ADAMTS2: variants seen among roughly 807,000 people sequenced by gnomAD.
ADAMTS2 encodes ADAM metallopeptidase with thrombospondin type 1 motif 2, also known as A disintegrin and metalloproteinase with thrombospondin motifs 2.
Under a neutral mutation model 123.0 loss-of-function variants are expected in ADAMTS2, and 50 were observed. The ratio of observed to expected loss-of-function variants is 0.41; its 90% CI spans 0.32 to 0.51. ADAMTS2 has a LOEUF of 0.51. Ranked by LOEUF, ADAMTS2 falls within the 20% of genes least tolerant of loss-of-function variation. ADAMTS2 has a pLI of 0.35. For synonymous variants in ADAMTS2, 678 were observed against 695.4 expected, an observed-to-expected ratio of 0.98 and a Z score of 0.39; for missense variants, 1,494 against 1,705.2, an observed-to-expected ratio of 0.88 and a Z score of 2.18.
At chr5:179,171,693 G>T (rs1344345807) in intron 5 of ADAMTS2, among the ~76,000 whole-genome samples, 1 of 152,232 alleles carries the variant, frequency 6.6e-6, no homozygotes, top group Admixed American at 6.5e-5. Context: ...AGGAAGGCGG[G>T]GTAGGGCCAG....
chr5:179,283,942 G>GATTATTATTATTATT (rs202045609), intron 2 of ADAMTS2, among the ~76,000 whole-genome samples: 26 of 138,314 alleles, frequency 1.9e-4, no homozygotes, highest in East Asian at 9.0e-4. Context: ...TAAATGGTCA[G>GATTATTATTATTATT]ATGATTATTA....
At chr5:179,221,723 C>T (rs991448614) in intron 3 of ADAMTS2, among the ~76,000 whole-genome samples, 6 of 152,120 alleles carry the variant, frequency 3.9e-5, no homozygotes, top group Non-Finnish European at 8.8e-5. Context: ...AGAAGAGCCC[C>T]CCGCAGAGGT....
chr5:179,170,256 G>A lies in ADAMTS2; in HGVS notation c.975+10816C>T, dbSNP rs1373796526. Among the ~76,000 whole-genome samples the A allele has an allele frequency of 1.3e-5, 2 of 152,186 alleles. No individual in the cohort carries two copies. Among genetic ancestry groups the A allele is most frequent in the Non-Finnish European group, 2.9e-5 (2 of 68,040 alleles). ...CACTGGAGCCTGGTGAGGCCTGGGG[G>A]ACAGGCAATGGGGGAGCGGCAGGTG... On this transcript the variant is annotated intron_variant, in intron 5 of 21. Transcript: ENST00000251582. The surrounding 1 kb of genome is among the most constrained non-coding windows in gnomAD (Gnocchi z 4.3).
intron 9 of ADAMTS2, among the ~76,000 whole-genome samples, chr5:179,152,874 C>CCA (rs1488149767): frequency 6.6e-6 from 1 of 152,172 alleles, no homozygotes; most frequent in Non-Finnish European, 1.5e-5. Flanking sequence ...ACCACTTGCT[C>CCA]GCTTTGTGGG....
In ADAMTS2 at chr5:179,260,818, C is replaced by T. The variant is rs1246894354; in HGVS notation, c.688+12093G>A. On this transcript the variant is annotated intron_variant, in intron 3 of 21. Coordinates refer to ENST00000251582, the MANE Select transcript of ADAMTS2 (RefSeq NM_014244.5). This position sits in a 1 kb window ranked among gnomAD's most constrained non-coding sequence, Gnocchi z 4.2. Reference sequence around the variant, plus strand: ...CGGTCAACGGTAAGTGCTCCAGGAACGCGTCACGTTCTTCTTGCTCCCTGC... The same window carrying T: ...CGGTCAACGGTAAGTGCTCCAGGAATGCGTCACGTTCTTCTTGCTCCCTGC... Among the ~76,000 whole-genome samples, 11 of 152,202 alleles carry T rather than the reference C, an allele frequency of 7.2e-5. No homozygotes were observed. Among genetic ancestry groups the T allele is most frequent in the African/African-American group, 2.4e-4 (10 of 41,448 alleles).
At chr5:179,281,177 T>C (rs1561681761) in intron 2 of ADAMTS2, among the ~76,000 whole-genome samples, 1 of 152,258 alleles carries the variant, frequency 6.6e-6, no homozygotes, top group Non-Finnish European at 1.5e-5. Flanking sequence ...CTTTTTAATA[T>C]ATAACAGCTT....
At chr5:179,329,289 T>C (rs1387928004) in intron 2 of ADAMTS2, among the ~76,000 whole-genome samples, 1 of 145,350 alleles carries the variant, frequency 6.9e-6, no homozygotes, top group Admixed American at 7.1e-5. Context: ...ATAGTGCCAC[T>C]GCGCTCCAGC....
chr5:179,276,949 G>A (rs914489429), intron 2 of ADAMTS2, among the ~76,000 whole-genome samples: 4 of 152,256 alleles, frequency 2.6e-5, no homozygotes, highest in South Asian at 4.1e-4. Flanking sequence ...GGAGTAACCC[G>A]GGGGACAGTT....
chr5:179,283,942 G>GATT (rs202045609), intron 2 of ADAMTS2, among the ~76,000 whole-genome samples: 26,177 of 137,658 alleles, frequency 0.19, 2,738 homozygotes, highest in East Asian at 0.28. Context: ...TAAATGGTCA[G>GATT]ATGATTATTA....
chr5:179,211,237 T>A (rs1764843446), intron 3 of ADAMTS2, among the ~76,000 whole-genome samples: 2 of 152,224 alleles, frequency 1.3e-5, no homozygotes, highest in Non-Finnish European at 2.9e-5. Flanking sequence ...CTCTGCTGTA[T>A]CCCTCGGCAC....
chr5:179,151,172 C>T (rs759701899), intron 10 of ADAMTS2: 13 of 343,244 alleles, frequency 3.8e-5, no homozygotes, highest in Admixed American at 1.6e-4. Context: ...GCTGGGATAA[C>T]AGGCATGAGC....
intron 4 of ADAMTS2, among the ~76,000 whole-genome samples, chr5:179,184,819 G>C (rs1014494459): frequency 6.6e-6 from 1 of 152,150 alleles, no homozygotes; most frequent in African/African-American, 2.4e-5. Context: ...GAGTAGATCA[G>C]AGCCAGCCCT....
rs143791135 is a variant in ADAMTS2 at position 179,189,173 on chromosome 5, A to G, written c.892-8018T>C. ...CAGGGTTGTTTCAGGTTGAAGCAAC[A>G]ATGAAAATTATCACGTGCGTCCATG... On this transcript the variant is annotated intron_variant, in intron 4 of 21. Coordinates refer to ENST00000251582, the MANE Select transcript of ADAMTS2 (RefSeq NM_014244.5). This position sits in a 1 kb window ranked among gnomAD's most constrained non-coding sequence, Gnocchi z 4.2. 4.3e-3 allele frequency among the ~76,000 whole-genome samples: 648 copies of G among 152,324 alleles called. 6 individuals carry two copies. The highest frequency in any genetic ancestry group is 0.014 in the African/African-American group (600 of 41,570).
At chr5:179,198,179 T>G (rs993308523) in intron 4 of ADAMTS2, among the ~76,000 whole-genome samples, 2 of 152,094 alleles carry the variant, frequency 1.3e-5, no homozygotes, top group African/African-American at 4.8e-5. Flanking sequence ...GAGCCCCTTA[T>G]CCTCCCGGCT....
At chr5:179,186,775 C>T (rs1764181638) in intron 4 of ADAMTS2, among the ~76,000 whole-genome samples, 1 of 151,882 alleles carries the variant, frequency 6.6e-6, no homozygotes, top group Non-Finnish European at 1.5e-5. Flanking sequence ...CGGCCCCACC[C>T]ACTTTCTCTG....
rs1452404578 is a variant in ADAMTS2 at position 179,303,224 on chromosome 5, T to C, written c.535-30160A>G. Among the ~76,000 whole-genome samples the C allele has an allele frequency of 1.3e-5, 2 of 152,162 alleles. No homozygotes were observed. The highest frequency in any genetic ancestry group is 2.9e-5 in the Non-Finnish European group (2 of 68,010). ...TTCCTGTTCAGCAGGGATCTGCCTATGGCTGTATTTCTGCTGGTAGAAGTC... is the reference window on the plus strand; with the variant it reads ...TTCCTGTTCAGCAGGGATCTGCCTACGGCTGTATTTCTGCTGGTAGAAGTC... On this transcript the variant is annotated intron_variant, in intron 2 of 21. Coordinates refer to ENST00000251582, the MANE Select transcript of ADAMTS2 (RefSeq NM_014244.5). This position sits in a 1 kb window ranked among gnomAD's most constrained non-coding sequence, Gnocchi z 4.7.
intron 4 of ADAMTS2, among the ~76,000 whole-genome samples, chr5:179,182,571 G>A (rs537264419): frequency 3.9e-4 from 59 of 152,290 alleles, no homozygotes; most frequent in Middle Eastern, 6.8e-3. Context: ...CCCGAGGCCC[G>A]CTGGCATCGG....
At chr5:179,213,725 G>A (rs1268783965) in intron 3 of ADAMTS2, among the ~76,000 whole-genome samples, 1 of 152,146 alleles carries the variant, frequency 6.6e-6, no homozygotes, top group African/African-American at 2.4e-5. Context: ...ACCAGGAGGA[G>A]TTAAAACAAG....
rs1032940025 is a variant in ADAMTS2 at position 179,225,823 on chromosome 5, G to A, written c.689-18108C>T. Among the ~76,000 whole-genome samples, 10 of 152,164 alleles carry A rather than the reference G, an allele frequency of 6.6e-5. No homozygotes were observed. Among genetic ancestry groups the A allele is most frequent in the African/African-American group, 1.2e-4 (5 of 41,442 alleles). On this transcript the variant is annotated intron_variant, in intron 3 of 21. Coordinates refer to ENST00000251582, the MANE Select transcript of ADAMTS2 (RefSeq NM_014244.5). This position sits in a 1 kb window ranked among gnomAD's most constrained non-coding sequence, Gnocchi z 4.5. Reference sequence around the variant, plus strand: ...GCACTCATTCTCCAAGCCCACGTGTGATCTGATTCTTCCAGGACATCAAGG... The same window carrying A: ...GCACTCATTCTCCAAGCCCACGTGTAATCTGATTCTTCCAGGACATCAAGG...
Sources: allele counts gnomAD v4.1 joint callset (sites outside exome capture counted in the v4.1 genomes callset), GRCh38; gene constraint gnomAD v4.1.1; non-coding constraint Gnocchi (gnomAD v3.1); transcripts MANE v1.5; gene names NCBI Gene and HGNC (gene_info 2026-07-23, HGNC 2026-07-21).